The following GPR89B variants were observed in gnomAD, a reference collection of about 807,000 sequenced individuals.
The protein encoded by GPR89B is G protein-coupled receptor 89B.
Under a neutral mutation model 52.4 loss-of-function variants are expected in GPR89B, and 25 were observed. The observed-to-expected ratio is 0.48, with a 90% CI of 0.35 to 0.67. The LOEUF (loss-of-function observed/expected upper bound fraction) is 0.67. Ranked by LOEUF, GPR89B falls within the 30% of genes least tolerant of loss-of-function variation. GPR89B has a pLI of 0.01. For synonymous variants in GPR89B, 52 were observed against 151.2 expected, an observed-to-expected ratio of 0.34 and a Z score of 4.81; for missense variants, 146 against 450.2, an observed-to-expected ratio of 0.32 and a Z score of 6.11.
chr1:147,992,405 A>G, intron 12 of GPR89B, 97 bp from the exon 13 acceptor site: 3 of 1,010,580 alleles, frequency 3.0e-6, no homozygotes, highest in Non-Finnish European at 4.7e-6. Flanking sequence ...GTGGCATGGA[A>G]GAGACACTTT....
At position 147,988,122 on chromosome 1, in the gene GPR89B, G is replaced by A. The variant is rs1360209318; in HGVS notation, c.1006-310G>A. ...AGTACCAACACTTTGGGAGGCTGATGTGGGAGTATTGCTTGAGCCCAGGAG... is the reference window on the plus strand; with the variant it reads ...AGTACCAACACTTTGGGAGGCTGATATGGGAGTATTGCTTGAGCCCAGGAG... On this transcript the variant is annotated intron_variant, in intron 11 of 13. Coordinates refer to ENST00000314163, the MANE Select transcript of GPR89B (RefSeq NM_016334.5). Among the ~76,000 whole-genome samples, 7 of 151,982 alleles carry A rather than the reference G, an allele frequency of 4.6e-5. No individual in the cohort carries two copies. In the East Asian group the frequency reaches 1.4e-3, roughly 29 times the overall value.
intron 9 of GPR89B, chr1:147,969,492 A>G (rs1267064954): frequency 5.1e-6 from 1 of 196,256 alleles, no homozygotes; most frequent in Non-Finnish European, 1.0e-5. Flanking sequence ...GAGTAACCTT[A>G]TAGGACAGAG....
chr1:147,950,825 C>G (rs201274328), intron 5 of GPR89B, among the ~76,000 whole-genome samples: 143 of 151,752 alleles, frequency 9.4e-4, no homozygotes, highest in African/African-American at 3.4e-3. Flanking sequence ...CGCAGGCACT[C>G]GGCAGGCTGA....
chr1:147,945,128 T>G (rs2149046046), intron 5 of GPR89B, among the ~76,000 whole-genome samples: 1 of 135,092 alleles, frequency 7.4e-6, no homozygotes, highest in East Asian at 2.1e-4. Flanking sequence ...TCACTGAAGT[T>G]ATCACCTGCC....
At chr1:148,019,993 G>A in the GPR89B span, among the ~76,000 whole-genome samples, 1 of 151,862 alleles carries the variant, frequency 6.6e-6, no homozygotes, top group Non-Finnish European at 1.5e-5. Flanking sequence ...GTCTCCTGGA[G>A]TATCCCAGGC....
chr1:147,979,090 G>A (rs1658052499), intron 10 of GPR89B, among the ~76,000 whole-genome samples: 1 of 151,592 alleles, frequency 6.6e-6, no homozygotes, highest in Admixed American at 6.6e-5. Flanking sequence ...CCTTGATTGG[G>A]GGTGGGAACT....
intron 1 of GPR89B, among the ~76,000 whole-genome samples, chr1:147,930,066 C>G (rs1303878007): frequency 2.6e-5 from 4 of 152,182 alleles, no homozygotes; most frequent in Non-Finnish European, 5.9e-5. Flanking sequence ...GCATTGCAGC[C>G]TCTACGATTT....
At chr1:148,014,951 G>T in the GPR89B span, 2 of 151,438 alleles carry the variant, frequency 1.3e-5, no homozygotes, top group African/African-American at 4.9e-5. Flanking sequence ...GCGCCTCTCC[G>T]GTTTTCCGAG....
At chr1:147,952,084 A>G (rs1553251150) in intron 5 of GPR89B, among the ~76,000 whole-genome samples, 1 of 152,100 alleles carries the variant, frequency 6.6e-6, no homozygotes, top group East Asian at 1.9e-4. Context: ...TTGGCAAAGG[A>G]GAAGGACAAA....
chr1:148,006,981 C>A, the GPR89B span, among the ~76,000 whole-genome samples: 1 of 151,726 alleles, frequency 6.6e-6, no homozygotes. Context: ...ACTCTCAAAG[C>A]GCTAGGATTA....
chr1:147,955,119 C>T (rs1656016799), intron 7 of GPR89B, among the ~76,000 whole-genome samples: 1 of 151,896 alleles, frequency 6.6e-6, no homozygotes, highest in East Asian at 1.9e-4. Flanking sequence ...CTGTTGAGTT[C>T]ACTGTTTTAG....
chr1:148,014,428 G>A, the GPR89B span: 6 of 151,250 alleles, frequency 4.0e-5, no homozygotes, highest in Non-Finnish European at 8.8e-5. Context: ...GAGTGAGTGC[G>A]CGAACCCAGC....
chr1:147,940,280 G>A (rs1654450223), intron 3 of GPR89B, among the ~76,000 whole-genome samples: 1 of 151,612 alleles, frequency 6.6e-6, no homozygotes. Flanking sequence ...GTGGGCGCCT[G>A]TAGTCCCAGC....
At chr1:147,992,272 T>C (rs1659123668) in intron 12 of GPR89B, among the ~76,000 whole-genome samples, 1 of 146,606 alleles carries the variant, frequency 6.8e-6, no homozygotes, top group Non-Finnish European at 1.5e-5. Flanking sequence ...TTGATAGCAA[T>C]AGGAATCCTT....
At chr1:147,950,826 G>T (rs1409824206) in intron 5 of GPR89B, among the ~76,000 whole-genome samples, 4 of 152,144 alleles carry the variant, frequency 2.6e-5, no homozygotes, top group Non-Finnish European at 4.4e-5. Context: ...GCAGGCACTC[G>T]GCAGGCTGAG....
chr1:148,002,037 G>GTT, the GPR89B span, among the ~76,000 whole-genome samples: 1 of 128,608 alleles, frequency 7.8e-6, no homozygotes, highest in East Asian at 2.5e-4. Flanking sequence ...ACCAGATGCT[G>GTT]CTTTTTTTTT....
At chr1:147,946,561 T>C (rs1371531179) in intron 5 of GPR89B, among the ~76,000 whole-genome samples, 2 of 151,890 alleles carry the variant, frequency 1.3e-5, no homozygotes, top group African/African-American at 4.8e-5. Context: ...CATTTATCTG[T>C]GATGGTAGAA....
chr1:148,014,751 AG>A, the GPR89B span: 1 of 152,278 alleles, frequency 6.6e-6, no homozygotes, highest in Admixed American at 6.6e-5. Context: ...CCCGCCCCAC[AG>A]CCACCGCGCC....
At chr1:148,013,121 GA>G in the GPR89B span, among the ~76,000 whole-genome samples, 3 of 152,042 alleles carry the variant, frequency 2.0e-5, no homozygotes, top group East Asian at 5.8e-4. Flanking sequence ...TTAAAGTTCA[GA>G]ACAACTAAGG....
Sources: allele counts gnomAD v4.1 joint callset (sites outside exome capture counted in the v4.1 genomes callset), GRCh38; gene constraint gnomAD v4.1.1; transcripts MANE v1.5; gene names NCBI Gene and HGNC (gene_info 2026-07-23, HGNC 2026-07-21).